Variants in GPR39 observed in about 807,000 individuals in gnomAD.
GPR39 encodes the protein zinc sensing receptor.
Under a neutral mutation model 18.4 loss-of-function variants are expected in GPR39, and 23 were observed. That is an observed-to-expected ratio of 1.25 (90% CI 0.90 to 1.77). GPR39 has a LOEUF of 1.77. GPR39 is among the 40% of genes most tolerant of loss of function. The pLI, the probability that GPR39 is intolerant of heterozygous loss-of-function variation, is 0.00. For synonymous variants in GPR39, 280 were observed against 257.9 expected (o/e 1.09, Z -0.82); for missense variants, 647 against 602.4 (o/e 1.07, Z -0.78).
chr2:132,534,163 C>A (rs532462499), intron 1 of GPR39, among the ~76,000 whole-genome samples: 1 of 152,096 alleles, frequency 6.6e-6, no homozygotes, highest in Admixed American at 6.5e-5. Context: ...ACAACCCCAT[C>A]AAAAAGTGGG....
At chr2:132,529,272 A>C (rs1286298204) in intron 1 of GPR39, among the ~76,000 whole-genome samples, 1 of 152,184 alleles carries the variant, frequency 6.6e-6, no homozygotes, top group African/African-American at 2.4e-5. Flanking sequence ...CAGCAGTCTG[A>C]GATCAAACTG....
intron 1 of GPR39, among the ~76,000 whole-genome samples, chr2:132,573,481 C>A (rs186004346): frequency 7.4e-4 from 112 of 152,168 alleles, no homozygotes; most frequent in Non-Finnish European, 1.2e-3. Context: ...GTGCCAATCT[C>A]CCAGCAAAGT....
At chr2:132,478,537 C>T (rs913417690) in intron 1 of GPR39, among the ~76,000 whole-genome samples, 5 of 152,148 alleles carry the variant, frequency 3.3e-5, no homozygotes, top group African/African-American at 9.7e-5. Context: ...ATCAATACTA[C>T]GTAACAAGAA....
chr2:132,424,675 G>T (rs1333738342), intron 1 of GPR39, among the ~76,000 whole-genome samples: 2 of 152,150 alleles, frequency 1.3e-5, no homozygotes, highest in Admixed American at 6.5e-5. Context: ...GCCATTGCAG[G>T]GTTTTAAGAA....
At chr2:132,600,085 C>T (rs1316103336) in intron 1 of GPR39, among the ~76,000 whole-genome samples, 1 of 152,130 alleles carries the variant, frequency 6.6e-6, no homozygotes, top group Non-Finnish European at 1.5e-5. Context: ...TACGCAGAAG[C>T]CCTATGAAAA....
intron 1 of GPR39, among the ~76,000 whole-genome samples, chr2:132,460,763 T>C (rs1573613270): frequency 6.6e-6 from 1 of 152,194 alleles, no homozygotes; most frequent in Non-Finnish European, 1.5e-5. Context: ...TCTGAAATTC[T>C]AGTCATTTTT....
chr2:132,581,183 C>A (rs942854777), intron 1 of GPR39, among the ~76,000 whole-genome samples: 1 of 151,982 alleles, frequency 6.6e-6, no homozygotes, highest in Non-Finnish European at 1.5e-5. Flanking sequence ...TTTCTTTCTG[C>A]GGGCTTTATT....
chr2:132,593,031 C>G (rs557822312), intron 1 of GPR39, among the ~76,000 whole-genome samples: 4 of 152,148 alleles, frequency 2.6e-5, no homozygotes, highest in Non-Finnish European at 5.9e-5. Flanking sequence ...TCACTGAAAG[C>G]GCTATACTTA....
rs932729830 is a variant in GPR39, at chr2:132,560,131, C to T, written c.857-84970C>T. ...TAGCTCTCTTTCCCAATCCAAATAG[C>T]AGCAACATCCTCAACCTCCAACCGC... On this transcript the variant is annotated intron_variant, in intron 1 of 1. Coordinates refer to ENST00000329321, the MANE Select transcript of GPR39 (RefSeq NM_001508.3). 2.0e-5 allele frequency among the ~76,000 whole-genome samples: 3 copies of T among 152,308 alleles called. No homozygotes were observed. The South Asian group carries it at 6.2e-4, about 32-fold the overall frequency.
chr2:132,520,669 T>C (rs1679409720), intron 1 of GPR39, among the ~76,000 whole-genome samples: 1 of 152,206 alleles, frequency 6.6e-6, no homozygotes, highest in Admixed American at 6.5e-5. Context: ...AGATGAGGTC[T>C]TGGGACCCCA....
chr2:132,467,179 TCTA>T (rs1680942116), intron 1 of GPR39, among the ~76,000 whole-genome samples: 1 of 152,148 alleles, frequency 6.6e-6, no homozygotes, highest in African/African-American at 2.4e-5. Context: ...AGTGTGTCAG[TCTA>T]CAGGCAGGTG....
intron 1 of GPR39, among the ~76,000 whole-genome samples, chr2:132,617,974 C>T (rs951550397): frequency 6.6e-6 from 1 of 152,170 alleles, no homozygotes; most frequent in Non-Finnish European, 1.5e-5. Context: ...CTGTTGCTTC[C>T]CTGATCTCCC....
intron 1 of GPR39, among the ~76,000 whole-genome samples, chr2:132,539,514 C>A (rs1208464486): frequency 2.0e-5 from 3 of 152,166 alleles, no homozygotes; most frequent in Non-Finnish European, 2.9e-5. Flanking sequence ...GTGGCCCCCA[C>A]TATGCTAGAG....
chr2:132,491,378 G>A (rs182918244), intron 1 of GPR39, among the ~76,000 whole-genome samples: 1 of 151,924 alleles, frequency 6.6e-6, no homozygotes, highest in East Asian at 1.9e-4. Flanking sequence ...TTAATCTTGG[G>A]CCTAATTCTA....
chr2:132,532,769 GA>G (rs1368089187), intron 1 of GPR39, among the ~76,000 whole-genome samples: 1 of 151,870 alleles, frequency 6.6e-6, no homozygotes, highest in East Asian at 1.9e-4. Context: ...AATAGATGCA[GA>G]AAAGGCCTTT....
rs1679928241 is a variant in GPR39, at chr2:132,417,512, G to C, written c.470G>C (p.Gly157Ala). Residue 157 changes from glycine to alanine, a missense_variant, in exon 1 of 2, where the codon GGC becomes GCC. Gly to Ala is a moderately conservative substitution (Grantham distance 60). Transcript: ENST00000329321. The part of the protein sequence containing the change: ...SGPCQVKLLI[G>A]FVWVTSALVA... ...CCTTGCCAGGTGAAGCTGCTGATTG[G>C]CTTCGTCTGGGTCACCTCCGCCCTG... The C allele has an allele frequency of 6.2e-7, 1 of 1,614,008 alleles. No homozygotes were observed. Among genetic ancestry groups the C allele is most frequent in the Admixed American group, 1.7e-5 (1 of 60,008 alleles).
intron 1 of GPR39, among the ~76,000 whole-genome samples, chr2:132,520,733 CAGGAGTT>C (rs1679410552): frequency 1.3e-5 from 2 of 152,196 alleles, no homozygotes; most frequent in Non-Finnish European, 2.9e-5. Context: ...CCTGAACAGT[CAGGAGTT>C]TAATGTCCAT....
intron 1 of GPR39, among the ~76,000 whole-genome samples, chr2:132,530,963 A>G (rs1029036399): frequency 6.6e-6 from 1 of 152,264 alleles, no homozygotes; most frequent in Admixed American, 6.5e-5. Context: ...CAAAATAACC[A>G]GCTAACATCA....
At chr2:132,630,159 A>G (rs1558864630) in intron 1 of GPR39, among the ~76,000 whole-genome samples, 1 of 152,174 alleles carries the variant, frequency 6.6e-6, no homozygotes, top group Non-Finnish European at 1.5e-5. Flanking sequence ...TGGAGCTCAC[A>G]TGGCGGTGCA....
Sources: gnomAD v4.1 joint callset for allele counts (sites outside exome capture counted in the v4.1 genomes callset) on GRCh38, gnomAD v4.1.1 for gene constraint, MANE v1.5 for transcripts, NCBI Gene and HGNC (gene_info 2026-07-23, HGNC 2026-07-21) for gene names.